The following BTBD1 variants were observed in gnomAD, a reference collection of about 807,000 sequenced individuals.
BTBD1 encodes BTB/POZ domain-containing protein 1.
BTBD1 carries 34 observed loss-of-function variants against 48.0 expected under a neutral mutation model. The ratio of observed to expected loss-of-function variants is 0.71; its 90% confidence interval spans 0.54 to 0.94. The LOEUF is 0.94. Ranked by LOEUF, BTBD1 falls within the 40% of genes least tolerant of loss-of-function variation. The pLI is 0.00. For synonymous variants in BTBD1, 261 were observed against 242.1 expected (o/e 1.08, Z -0.72); for missense variants, 543 against 625.6 (o/e 0.87, Z 1.41).
At chr15:83,043,921 G>A (rs2032819309) in intron 3 of BTBD1, among the ~76,000 whole-genome samples, 1 of 152,118 alleles carries the variant, frequency 6.6e-6, no homozygotes, top group African/African-American at 2.4e-5. Flanking sequence ...TCTTATGATA[G>A]GCAAAATTAA....
chr15:83,044,724 G>T, intron 3 of BTBD1: 1 of 1,472,036 alleles, frequency 6.8e-7, no homozygotes, highest in Admixed American at 1.7e-5. Context: ...GGTGTACTGT[G>T]TCATGAACAA....
rs754118965 is a variant in BTBD1, at chr15:83,018,108, T to C, written c.1408A>G (p.Ile470Val). The C allele has an allele frequency of 1.7e-5, 27 of 1,610,632 alleles. No homozygotes were observed. The highest frequency in any genetic ancestry group is 6.7e-5 in the African/African-American group (5 of 74,858). Residue 470 changes from isoleucine (I) to valine (V), a missense_variant, in exon 8 of 8, where the codon ATA becomes GTA. By Grantham distance (29) the Ile-to-Val change is conservative (BLOSUM62 3). Around this residue, in one of 3 missense-constraint regions of BTBD1, gnomAD observed 300 missense variants for 350.0 expected, o/e 0.86. Coordinates refer to ENST00000261721, the MANE Select transcript of BTBD1 (RefSeq NM_025238.4). ...ATTTCTGGAATTTGTCCATCTTCTA[T>C]TGAAGTGCCATTATTATTGCCAGGG... ...SSPGNNNGTSIEDGQIPEIIF... is the reference protein window; with the variant it reads ...SSPGNNNGTSVEDGQIPEIIF...
Position 83,018,080 on chromosome 15 carries a change from A to G in BTBD1, c.1436T>C (p.Ile479Thr). 6.2e-7 allele frequency: 1 copy of G among 1,603,884 alleles called. No individual in the cohort carries two copies. The highest frequency in any genetic ancestry group is 8.5e-7 in the Non-Finnish European group (1 of 1,173,840). Residue 479 changes from isoleucine (I) to threonine (T), a missense_variant, in exon 8 of 8, where the codon ATA becomes ACA. By Grantham distance (89) the Ile-to-Thr change is moderately conservative (BLOSUM62 -1). Around this residue, in one of 3 missense-constraint regions of BTBD1, gnomAD observed 300 missense variants for 350.0 expected, o/e 0.86. Coordinates refer to ENST00000261721, the MANE Select transcript of BTBD1 (RefSeq NM_025238.4). ...SIEDGQIPEI[I>T]FYT ...TATAATGCTAAATTATGTATAAAAT[A>G]TGATTTCTGGAATTTGTCCATCTTC...
chr15:83,062,459 T>G (rs2033191479), intron 1 of BTBD1, among the ~76,000 whole-genome samples: 1 of 152,136 alleles, frequency 6.6e-6, no homozygotes, highest in Non-Finnish European at 1.5e-5. Context: ...AAGAATAAAT[T>G]ATTGCTTTTT....
Position 83,056,511 on chromosome 15 carries a change from C to G in BTBD1, c.436G>C (p.Glu146Gln). The G allele has an allele frequency of 3.7e-6, 6 of 1,613,756 alleles. No individual in the cohort carries two copies. Among genetic ancestry groups the G allele is most frequent in the Non-Finnish European group, 5.1e-6 (6 of 1,179,740 alleles). The change falls in exon 2 of 8, where the codon GAA becomes CAA. Residue 146 changes from glutamate (E) to glutamine (Q), a missense_variant. Glu to Gln is a conservative substitution (Grantham distance 29, BLOSUM62 2). Around this residue, in one of 3 missense-constraint regions of BTBD1, gnomAD observed 70 missense variants for 111.7 expected, o/e 0.63. Coordinates refer to ENST00000261721, the MANE Select transcript of BTBD1 (RefSeq NM_025238.4). ...GTATAAAGAGTGGTCATAACTGTTT[C>G]TGGACCAATTTGAACTTCATCTGAA... The part of the protein sequence containing the change: ...LYSDEVQIGP[E>Q]TVMTTLYTAK...
At chr15:83,060,165 A>C (rs2033153942) in intron 1 of BTBD1, among the ~76,000 whole-genome samples, 1 of 152,204 alleles carries the variant, frequency 6.6e-6, no homozygotes, top group African/African-American at 2.4e-5. Flanking sequence ...TAACGTCAAA[A>C]GGGAAAATAT....
chr15:83,055,326 C>T (rs1156659013), intron 2 of BTBD1, among the ~76,000 whole-genome samples: 2 of 152,160 alleles, frequency 1.3e-5, no homozygotes, highest in Non-Finnish European at 2.9e-5. Flanking sequence ...GGCGCAATCT[C>T]GGCTCACTGC....
In BTBD1 at chr15:83,029,912, T is replaced by C. The variant is rs376559663; in HGVS notation, c.1055+224A>G. On this transcript the variant is annotated intron_variant, in intron 5 of 7. Transcript: ENST00000261721. ...CGTAACAGAAGGTCCAACCCAATCCTTTCTTACTCTATTTTTTTCTTAAGA... is the reference window on the plus strand; with the variant it reads ...CGTAACAGAAGGTCCAACCCAATCCCTTCTTACTCTATTTTTTTCTTAAGA... 8.3e-5 allele frequency: 46 copies of C among 557,422 alleles called. No individual in the cohort carries two copies. In the African/African-American group the frequency reaches 8.3e-4, roughly 10 times the overall value. The allele number at this position is 557,422 out of a possible 1,614,324, so 34.5% of individuals were successfully genotyped here.
intron 3 of BTBD1, among the ~76,000 whole-genome samples, chr15:83,042,348 T>TTTTATATATATATATATATATATA (rs773923340): frequency 1.8e-5 from 2 of 109,892 alleles, no homozygotes; most frequent in Non-Finnish European, 3.7e-5. Context: ...TTAGGCAATT[T>TTTTATATATATATATATATATATA]TATATATATA....
intron 5 of BTBD1, among the ~76,000 whole-genome samples, chr15:83,026,081 T>A (rs1027030410): frequency 6.6e-6 from 1 of 152,168 alleles, no homozygotes. Context: ...TTTTAACCAT[T>A]TTTAAGTGTA....
chr15:83,022,268 G>A (rs1322067249), intron 5 of BTBD1: 1 of 149,716 alleles, frequency 6.7e-6, no homozygotes, highest in Non-Finnish European at 1.5e-5. Flanking sequence ...TGCCCAGGCT[G>A]GTCTAGAACT....
chr15:83,029,933 TAAG>T, intron 5 of BTBD1, 200 bp downstream of exon 5: 1 of 608,764 alleles, frequency 1.6e-6, no homozygotes, highest in Non-Finnish European at 2.9e-6. Context: ...ATTTTTTTCT[TAAG>T]AAGTCACCCT....
Position 83,039,923 on chromosome 15 carries a change from T to C in BTBD1, c.862+1805A>G, listed in dbSNP as rs573127502. Among the ~76,000 whole-genome samples, 20 of 151,740 alleles carry C rather than the reference T, an allele frequency of 1.3e-4. No homozygotes were observed. The East Asian group carries it at 3.9e-3, about 29-fold the overall frequency. ...AAAGACACATGCACTCATATGTTCATCACAGCAACGACACTGACTCAACCT... is the reference window on the plus strand; with the variant it reads ...AAAGACACATGCACTCATATGTTCACCACAGCAACGACACTGACTCAACCT... On this transcript the variant is annotated intron_variant, in intron 4 of 7. Transcript: ENST00000261721.
At chr15:83,049,008 T>C (rs1006795940) in intron 3 of BTBD1, among the ~76,000 whole-genome samples, 5 of 152,216 alleles carry the variant, frequency 3.3e-5, no homozygotes, top group African/African-American at 1.2e-4. Flanking sequence ...AATAACATAG[T>C]GGACTTGCCG....
chr15:83,042,594 GC>G (rs1308403528), intron 3 of BTBD1, among the ~76,000 whole-genome samples: 1 of 151,922 alleles, frequency 6.6e-6, no homozygotes, highest in Non-Finnish European at 1.5e-5. Flanking sequence ...ATGTTGGCCA[GC>G]CTGGTCTCAA....
chr15:83,045,555 A>T lies in BTBD1; in HGVS notation c.665-3630T>A, dbSNP rs149346500. On this transcript the variant is annotated intron_variant, in intron 3 of 7. Coordinates refer to ENST00000261721, the MANE Select transcript of BTBD1 (RefSeq NM_025238.4). Reference sequence around the variant, plus strand: ...TTTCTGCAATGGTCTACACATGCTAAGAGCCAAATATTTGCTTAATATCAA... The same window carrying T: ...TTTCTGCAATGGTCTACACATGCTATGAGCCAAATATTTGCTTAATATCAA... Among the ~76,000 whole-genome samples the T allele has an allele frequency of 6.0e-4, 91 of 152,350 alleles. 1 individual carries two copies. The highest frequency in any genetic ancestry group is 2.2e-3 in the African/African-American group (90 of 41,588).
chr15:83,044,448 G>A (rs1188875494), intron 3 of BTBD1: 1 of 1,575,706 alleles, frequency 6.3e-7, no homozygotes, highest in Non-Finnish European at 8.7e-7. Flanking sequence ...AGGAGGAGGA[G>A]TGGGAACTGC....
intron 5 of BTBD1, among the ~76,000 whole-genome samples, chr15:83,029,389 C>T (rs1567103786): frequency 6.6e-6 from 1 of 152,208 alleles, no homozygotes; most frequent in African/African-American, 2.4e-5. Context: ...TTTCAAGATT[C>T]TTGATTTTTT....
chr15:83,027,615 G>A (rs1349787448), intron 5 of BTBD1, among the ~76,000 whole-genome samples: 2 of 152,150 alleles, frequency 1.3e-5, no homozygotes, highest in Non-Finnish European at 2.9e-5. Flanking sequence ...AGCTGGAAAC[G>A]TGCTGGTCTG....
Sources: allele counts gnomAD v4.1 joint callset (sites outside exome capture counted in the v4.1 genomes callset), GRCh38; gene constraint gnomAD v4.1.1; regional missense constraint gnomAD v4.1.1; transcripts MANE v1.5; gene names NCBI Gene and HGNC (gene_info 2026-07-23, HGNC 2026-07-21).